The following GCNT4 variants were observed in gnomAD, a reference collection of about 807,000 sequenced individuals.
GCNT4 encodes glucosaminyl (N-acetyl) transferase 4.
A neutral mutation model predicts 31.3 loss-of-function variants in GCNT4; 17 were observed. That is an observed-to-expected ratio of 0.54 (90% CI 0.37 to 0.81). The LOEUF (loss-of-function observed/expected upper bound fraction) is 0.81, where lower values mean the gene tolerates loss of function less well. Among genes scored for constraint, GCNT4 ranks in the 40% least tolerant of loss-of-function variants. The pLI is 0.00. For synonymous variants in GCNT4, 158 were observed against 190.6 expected, an observed-to-expected ratio of 0.83 and a Z score of 1.41; for missense variants, 503 against 525.5, an observed-to-expected ratio of 0.96 and a Z score of 0.42.
At chr5:75,049,436 C>A (rs1361779599) in intron 2 of GCNT4, among the ~76,000 whole-genome samples, 1 of 152,126 alleles carries the variant, frequency 6.6e-6, no homozygotes, top group Non-Finnish European at 1.5e-5. Context: ...CTCCAAATGC[C>A]CACACTGAGC....
chr5:75,022,712 A>T (rs1742895356), downstream of GCNT4, among the ~76,000 whole-genome samples: 1 of 152,208 alleles, frequency 6.6e-6, no homozygotes, highest in Non-Finnish European at 1.5e-5. Context: ...TTAGTAATAG[A>T]GACTTGAGAT....
chr5:75,051,818 C>A (rs964256393), intron 2 of GCNT4, among the ~76,000 whole-genome samples: 1 of 152,144 alleles, frequency 6.6e-6, no homozygotes, highest in African/African-American at 2.4e-5. Context: ...CTTCTCATCC[C>A]ACCACCACCC....
chr5:75,028,484 T>A lies in GCNT4; in HGVS notation c.*192A>T. ...CAGTGAGATTACAAGCAAAAACAAA[T>A]ATTAAAAAAACCTAGCCAACTGCAG... is the stretch of plus-strand genomic sequence containing the variant. On this transcript the variant is annotated 3_prime_UTR_variant, in exon 4 of 4. Coordinates refer to ENST00000652361, the MANE Select transcript of GCNT4 (RefSeq NM_001366737.1). 1.8e-6 allele frequency: 1 copy of A among 560,302 alleles called. No homozygotes were observed. The allele number at this position is 560,302 out of a possible 1,614,324, so 34.7% of individuals were successfully genotyped here. A position where few individuals can be genotyped will look rare whatever the true frequency, so the allele number is the denominator to read the frequency against.
In GCNT4 at chr5:75,029,834, C is replaced by T; in HGVS notation, c.204G>A (p.Arg68=). ...NRYTHVKDEV[R]YEVNCSGIYE... is the part of the protein sequence containing the mutation. Reference sequence around the variant, plus strand: ...AGATACCCGAACAGTTAACTTCATACCTGACTTCATCCTTAACATGAGTGT... The same window carrying T: ...AGATACCCGAACAGTTAACTTCATATCTGACTTCATCCTTAACATGAGTGT... Residue 68 remains arginine (R), a synonymous_variant, in exon 4 of 4, where the codon AGG becomes AGA. Transcript: ENST00000652361. 3 of 1,614,126 alleles carry T rather than the reference C, an allele frequency of 1.9e-6. No individual in the cohort carries two copies. Among genetic ancestry groups the T allele is most frequent in the Non-Finnish European group, 2.5e-6 (3 of 1,180,008 alleles).
At chr5:75,032,876 T>TGGGTGG (rs1561374220) in intron 3 of GCNT4, among the ~76,000 whole-genome samples, 2 of 22,072 alleles carry the variant, frequency 9.1e-5, no homozygotes, top group East Asian at 1.9e-3. Context: ...AATAGGGGTG[T>TGGGTGG]GTGTGTGTGT....
Position 75,028,682 on chromosome 5 carries a change from T to C in GCNT4, c.1356A>G (p.Thr452=). 1 of 1,609,686 alleles carries C rather than the reference T, an allele frequency of 6.2e-7. No individual in the cohort carries two copies. The highest frequency in any genetic ancestry group is 8.5e-7 in the Non-Finnish European group (1 of 1,178,098). Reference sequence around the variant, plus strand: ...TTCCATCCTGATTTTACTATCATGATGTGGTAGTGAGATTTCTATCCATAA... The same window carrying C: ...TTCCATCCTGATTTTACTATCATGACGTGGTAGTGAGATTTCTATCCATAA... The part of the protein sequence containing the change: ...KLFMDRNLTT[T]S Residue 452 remains threonine (T), a synonymous_variant, in exon 4 of 4, where the codon ACA becomes ACG. Transcript: ENST00000652361.
chr5:75,049,625 CTAAAT>C (rs1189766245), intron 2 of GCNT4, among the ~76,000 whole-genome samples: 1 of 152,192 alleles, frequency 6.6e-6, no homozygotes, highest in Non-Finnish European at 1.5e-5. Flanking sequence ...ACATACATCT[CTAAAT>C]TGCTTGAGAA....
At chr5:75,038,334 T>C (rs1743245084) in intron 3 of GCNT4, among the ~76,000 whole-genome samples, 1 of 152,282 alleles carries the variant, frequency 6.6e-6, no homozygotes, top group South Asian at 2.1e-4. Flanking sequence ...AAGTGCAATA[T>C]TAAAACGGAA....
At chr5:75,041,047 T>C (rs530599975) in intron 3 of GCNT4, among the ~76,000 whole-genome samples, 80 of 152,358 alleles carry the variant, frequency 5.3e-4, no homozygotes, top group African/African-American at 1.8e-3. Flanking sequence ...GCAGTTATGA[T>C]TGGCTAAACG....
In GCNT4 at chr5:75,029,399, A is replaced by G; in HGVS notation, c.639T>C (p.Leu213=). The G allele has an allele frequency of 1.9e-6, 3 of 1,614,178 alleles. No homozygotes were observed. The highest frequency in any genetic ancestry group is 2.5e-6 in the Non-Finnish European group (3 of 1,180,032). The change falls in exon 4 of 4, where the codon CTT becomes CTC. Residue 213 remains leucine, a synonymous_variant. Transcript: ENST00000652361. ...LQADLNCLSD[L]LKSSIQWKYV... ...ATTTCCACTGGATTGAAGACTTCAG[A>G]AGGTCCGACAAGCAATTTAAATCAG...
intron 3 of GCNT4, among the ~76,000 whole-genome samples, chr5:75,032,506 T>C (rs1054523509): frequency 6.6e-6 from 1 of 152,218 alleles, no homozygotes; most frequent in African/African-American, 2.4e-5. Flanking sequence ...TCCATTTCAC[T>C]CATACCCATG....
At chr5:75,045,253 A>G (rs1046554547) in intron 3 of GCNT4, among the ~76,000 whole-genome samples, 1 of 152,164 alleles carries the variant, frequency 6.6e-6, no homozygotes, top group African/African-American at 2.4e-5. Context: ...TCATTTTCCA[A>G]CTGAAACTCT....
the GCNT4 span, among the ~76,000 whole-genome samples, chr5:75,019,049 T>C: frequency 2.0e-5 from 3 of 152,174 alleles, no homozygotes; most frequent in Non-Finnish European, 2.9e-5. Context: ...TGCTATAGAC[T>C]GAATGTTTGT....
intron 2 of GCNT4, among the ~76,000 whole-genome samples, chr5:75,051,963 T>C (rs181577405): frequency 2.6e-5 from 4 of 152,256 alleles, no homozygotes; most frequent in African/African-American, 7.2e-5. Context: ...TCACACAAAA[T>C]TGGATCCTTA....
chr5:75,041,574 C>A (rs1743319763), intron 3 of GCNT4, among the ~76,000 whole-genome samples: 1 of 152,124 alleles, frequency 6.6e-6, no homozygotes, highest in Non-Finnish European at 1.5e-5. Context: ...CACATTTGGG[C>A]AGAAATAAAG....
At chr5:75,033,654 T>TTTAC (rs1743126581) in intron 3 of GCNT4, among the ~76,000 whole-genome samples, 1 of 135,842 alleles carries the variant, frequency 7.4e-6, no homozygotes. Context: ...CAGAAATCCC[T>TTTAC]TTATTTATTT....
downstream of GCNT4, chr5:75,023,941 T>G (rs1445472811): frequency 6.6e-6 from 1 of 152,146 alleles, no homozygotes; most frequent in Non-Finnish European, 1.5e-5. Context: ...TGTGGGAAGG[T>G]TGTATGTAAG....
chr5:75,033,674 T>A (rs956107314), intron 3 of GCNT4, among the ~76,000 whole-genome samples: 11 of 116,912 alleles, frequency 9.4e-5, no homozygotes, highest in Admixed American at 3.2e-4. Context: ...TATTTATTTA[T>A]TTTTTTTTTT....
At chr5:75,052,046 G>C (rs1390575585) in intron 2 of GCNT4, 123 bp downstream of exon 2, 2 of 152,084 alleles carry the variant, frequency 1.3e-5, no homozygotes. Context: ...TTCCTTAAGA[G>C]ACTATCAACA....
Sources: allele counts gnomAD v4.1 joint callset (sites outside exome capture counted in the v4.1 genomes callset), GRCh38; gene constraint gnomAD v4.1.1; transcripts MANE v1.5; gene names NCBI Gene and HGNC (gene_info 2026-07-23, HGNC 2026-07-21).